Variants in PDE1A observed in about 807,000 individuals in gnomAD.
PDE1A encodes the protein dual specificity calcium/calmodulin-dependent 3',5'-cyclic nucleotide phosphodiesterase 1A.
PDE1A carries 35 observed loss-of-function variants against 61.7 expected under a neutral mutation model. The ratio of observed to expected loss-of-function variants is 0.57; its 90% CI spans 0.43 to 0.75. The LOEUF (loss-of-function observed/expected upper bound fraction) is 0.75. Among genes scored for constraint, PDE1A ranks in the 30% least tolerant of loss-of-function variants. PDE1A has a pLI of 0.00. For missense variants in PDE1A, 597 were observed against 630.6 expected, an observed-to-expected ratio of 0.95 and a Z score of 0.57; for synonymous variants, 232 against 213.2, an observed-to-expected ratio of 1.09 and a Z score of -0.77.
chr2:182,626,397 TA>T, the PDE1A span, among the ~76,000 whole-genome samples: 1 of 151,944 alleles, frequency 6.6e-6, no homozygotes, highest in African/African-American at 2.4e-5. Flanking sequence ...GAATTTTTTT[TA>T]AAAAAGCCCA....
intron 11 of PDE1A, 66 bp downstream of exon 11, chr2:182,188,913 C>T (rs946774217): frequency 7.8e-6 from 8 of 1,023,740 alleles, no homozygotes; most frequent in African/African-American, 3.2e-5. Context: ...TGAACAACAT[C>T]GTTTACCCAT....
intron 3 of PDE1A, among the ~76,000 whole-genome samples, chr2:182,238,352 T>C (rs914217950): frequency 6.6e-6 from 1 of 150,422 alleles, no homozygotes; most frequent in African/African-American, 2.5e-5. Flanking sequence ...AATGGCTTGG[T>C]TGGGGTGGTC....
At chr2:182,691,367 A>G in the PDE1A span, among the ~76,000 whole-genome samples, 1 of 152,240 alleles carries the variant, frequency 6.6e-6, no homozygotes, top group Admixed American at 6.5e-5. Flanking sequence ...GCCCTCAGAA[A>G]TAATACCACA....
chr2:182,393,308 G>A (rs1300234081), intron 1 of PDE1A, among the ~76,000 whole-genome samples: 2 of 152,108 alleles, frequency 1.3e-5, no homozygotes, highest in Non-Finnish European at 2.9e-5. Flanking sequence ...GCCCCTTTTA[G>A]CCACAGCTGG....
intron 1 of PDE1A, among the ~76,000 whole-genome samples, chr2:182,424,917 TG>T (rs1410897427): frequency 2.6e-5 from 4 of 152,340 alleles, no homozygotes; most frequent in African/African-American, 9.6e-5. Context: ...ACCAGGATCA[TG>T]AAGCAAATCA....
At chr2:182,626,750 T>TATATATATACATATATATAC in the PDE1A span, among the ~76,000 whole-genome samples, 2 of 20,784 alleles carry the variant, frequency 9.6e-5, 1 homozygote, top group Non-Finnish European at 1.9e-4. Flanking sequence ...TATATATACA[T>TATATATATACATATATATAC]ATATATATAT....
At chr2:182,152,939 G>C (rs1252852873) in intron 13 of PDE1A, among the ~76,000 whole-genome samples, 1 of 152,096 alleles carries the variant, frequency 6.6e-6, no homozygotes, top group East Asian at 1.9e-4. Context: ...TGTTACATAA[G>C]ACACAAATCA....
intron 1 of PDE1A, among the ~76,000 whole-genome samples, chr2:182,310,286 T>G (rs1695878783): frequency 6.6e-6 from 1 of 152,164 alleles, no homozygotes; most frequent in Non-Finnish European, 1.5e-5. Context: ...TTATAGTTAA[T>G]AACTTATTAA....
At chr2:182,526,854 G>C (rs1055240246), upstream of PDE1A, among the ~76,000 whole-genome samples, 1 of 152,072 alleles carries the variant, frequency 6.6e-6, no homozygotes, top group Non-Finnish European at 1.5e-5. Context: ...TCACTAGTAA[G>C]AGTCACTAGA....
At chr2:182,641,013 C>G in the PDE1A span, among the ~76,000 whole-genome samples, 4 of 282 alleles carry the variant, frequency 0.014, no homozygotes, top group African/African-American at 0.024. Context: ...GAGTGAGACT[C>G]CATCTCAAAA....
chr2:182,142,523 A>C (rs1999), downstream of PDE1A: 105,024 of 152,010 alleles, frequency 0.69, 36,626 homozygotes, highest in East Asian at 0.89. Context: ...TCAGCATCCC[A>C]CCTGTCATTC....
the PDE1A span, among the ~76,000 whole-genome samples, chr2:182,555,461 C>T: frequency 2.6e-5 from 4 of 152,122 alleles, no homozygotes; most frequent in African/African-American, 7.2e-5. Context: ...CATAAATTAA[C>T]CAATTCTTTT....
chr2:182,463,138 G>A (rs527652656), intron 2 of PDE1A, among the ~76,000 whole-genome samples: 6 of 152,188 alleles, frequency 3.9e-5, no homozygotes, highest in Admixed American at 1.3e-4. Context: ...CTACTCGGGA[G>A]GCTGAGGCGA....
At chr2:182,672,380 T>C in the PDE1A span, among the ~76,000 whole-genome samples, 1 of 152,198 alleles carries the variant, frequency 6.6e-6, no homozygotes, top group Non-Finnish European at 1.5e-5. Flanking sequence ...ACCAGCCCAA[T>C]ATTACAAAAG....
At chr2:182,418,772 C>A (rs1326101555) in intron 1 of PDE1A, among the ~76,000 whole-genome samples, 2 of 152,220 alleles carry the variant, frequency 1.3e-5, no homozygotes, top group East Asian at 3.9e-4. Context: ...CAACTTAACT[C>A]AATCAAACTT....
At chr2:182,265,923 T>TA (rs1489796664) in intron 1 of PDE1A, among the ~76,000 whole-genome samples, 1 of 152,174 alleles carries the variant, frequency 6.6e-6, no homozygotes, top group East Asian at 1.9e-4. Flanking sequence ...CCCTTAGAGA[T>TA]AATTTAGCAG....
intron 2 of PDE1A, among the ~76,000 whole-genome samples, chr2:182,259,406 G>A (rs544969255): frequency 6.6e-6 from 1 of 152,208 alleles, no homozygotes; most frequent in African/African-American, 2.4e-5. Flanking sequence ...AGCTTCATGT[G>A]TTATGTATCC....
chr2:182,365,863 A>C (rs78775816), intron 1 of PDE1A, among the ~76,000 whole-genome samples: 3,479 of 152,126 alleles, frequency 0.023, 121 homozygotes, highest in African/African-American at 0.078. Flanking sequence ...AAAGTGACTA[A>C]AACTTATTAA....
At chr2:182,570,075 T>C in the PDE1A span, among the ~76,000 whole-genome samples, 2 of 152,210 alleles carry the variant, frequency 1.3e-5, no homozygotes, top group Admixed American at 1.3e-4. Context: ...GCTTCCTTGC[T>C]TCCCTGGGGT....
Sources: allele counts gnomAD v4.1 joint callset (sites outside exome capture counted in the v4.1 genomes callset), GRCh38; gene constraint gnomAD v4.1.1; transcripts MANE v1.5; gene names NCBI Gene and HGNC (gene_info 2026-07-23, HGNC 2026-07-21).